ZCCHC7: variants seen among roughly 807,000 people sequenced by gnomAD.
ZCCHC7 encodes zinc finger CCHC domain-containing protein 7.
ZCCHC7 carries 35 observed loss-of-function variants against 52.0 expected under a neutral mutation model. The ratio of observed to expected loss-of-function variants is 0.67; its 90% CI spans 0.51 to 0.89. The LOEUF (loss-of-function observed/expected upper bound fraction) is 0.89, where lower values mean the gene tolerates loss of function less well. ZCCHC7 is among the 40% of genes least tolerant of loss of function. The pLI, the probability that ZCCHC7 is intolerant of heterozygous loss-of-function variation, is 0.00. For missense variants in ZCCHC7, 574 were observed against 649.1 expected (o/e 0.88, Z 1.26); for synonymous variants, 217 against 221.5 (o/e 0.98, Z 0.18).
At chr9:37,263,030 A>T (rs1355341681) in intron 2 of ZCCHC7, among the ~76,000 whole-genome samples, 1 of 152,316 alleles carries the variant, frequency 6.6e-6, no homozygotes, top group East Asian at 1.9e-4. Flanking sequence ...ATATTTTCTT[A>T]AAAATGAGCA....
intron 5 of ZCCHC7, among the ~76,000 whole-genome samples, chr9:37,315,582 A>T (rs1378925692): frequency 6.6e-6 from 1 of 151,976 alleles, no homozygotes; most frequent in African/African-American, 2.4e-5. Flanking sequence ...CCAGAAAAAT[A>T]TACATCCTAA....
At chr9:37,131,696 A>G (rs1186530188) in intron 2 of ZCCHC7, among the ~76,000 whole-genome samples, 2 of 152,202 alleles carry the variant, frequency 1.3e-5, no homozygotes, top group African/African-American at 2.4e-5. Context: ...GTTTTGCTCT[A>G]CTGACAGTTA....
At chr9:37,267,462 T>A (rs1014181480) in intron 2 of ZCCHC7, among the ~76,000 whole-genome samples, 2 of 152,090 alleles carry the variant, frequency 1.3e-5, no homozygotes, top group African/African-American at 4.8e-5. Context: ...TGAAGTGGCA[T>A]GATCACAGCT....
At chr9:37,253,500 G>A (rs1826430641) in intron 2 of ZCCHC7, among the ~76,000 whole-genome samples, 1 of 151,944 alleles carries the variant, frequency 6.6e-6, no homozygotes, top group Non-Finnish European at 1.5e-5. Context: ...ACATGATACA[G>A]ATGTGACTGA....
At chr9:37,234,657 A>G (rs1345140520) in intron 2 of ZCCHC7, among the ~76,000 whole-genome samples, 4 of 152,254 alleles carry the variant, frequency 2.6e-5, no homozygotes. Context: ...GTTAACTGTT[A>G]AAAGACCAAA....
chr9:37,309,367 C>G (rs1829487194), intron 5 of ZCCHC7, among the ~76,000 whole-genome samples: 2 of 152,194 alleles, frequency 1.3e-5, no homozygotes, highest in Admixed American at 1.3e-4. Flanking sequence ...AATTTGTTTC[C>G]TCTGCAGCCC....
chr9:37,339,587 G>T (rs1235201191), intron 6 of ZCCHC7, among the ~76,000 whole-genome samples: 2 of 152,162 alleles, frequency 1.3e-5, no homozygotes, highest in Non-Finnish European at 2.9e-5. Context: ...GATTGAAGAG[G>T]TGCCTAGGCA....
intron 2 of ZCCHC7, among the ~76,000 whole-genome samples, chr9:37,221,746 G>A (rs1162050386): frequency 6.6e-6 from 1 of 152,016 alleles, no homozygotes; most frequent in African/African-American, 2.4e-5. Context: ...TTAAATACAG[G>A]GAATGAATGG....
At chr9:37,183,086 C>T (rs1485613217) in intron 2 of ZCCHC7, among the ~76,000 whole-genome samples, 1 of 152,160 alleles carries the variant, frequency 6.6e-6, no homozygotes, top group Admixed American at 6.5e-5. Context: ...TCAATGTAAA[C>T]ATTTATGAAA....
At chr9:37,157,196 T>TG (rs1554703760) in intron 2 of ZCCHC7, among the ~76,000 whole-genome samples, 14 of 121,420 alleles carry the variant, frequency 1.2e-4, no homozygotes, top group Admixed American at 8.3e-4. Context: ...CAAACTTAGT[T>TG]GAAAAAAAAA....
chr9:37,228,289 CTTAA>C (rs1340433500), intron 2 of ZCCHC7, among the ~76,000 whole-genome samples: 2 of 152,028 alleles, frequency 1.3e-5, no homozygotes, highest in Non-Finnish European at 2.9e-5. Context: ...TGTTCTGTAC[CTTAA>C]TTGTGTAGAT....
intron 2 of ZCCHC7, among the ~76,000 whole-genome samples, chr9:37,213,058 T>C (rs1824324750): frequency 6.6e-6 from 1 of 152,172 alleles, no homozygotes; most frequent in African/African-American, 2.4e-5. Flanking sequence ...TTTTCTGTTT[T>C]TTAAAACCAT....
intron 2 of ZCCHC7, among the ~76,000 whole-genome samples, chr9:37,277,801 A>T (rs1827751756): frequency 6.6e-6 from 1 of 152,160 alleles, no homozygotes; most frequent in Non-Finnish European, 1.5e-5. Context: ...TTGATCCTTG[A>T]ACAAAACGTG....
chr9:37,163,116 A>T (rs933673917), intron 2 of ZCCHC7, among the ~76,000 whole-genome samples: 1 of 151,990 alleles, frequency 6.6e-6, no homozygotes, highest in East Asian at 1.9e-4. Context: ...CAGAAGAATC[A>T]CTTGAACCCG....
At chr9:37,328,268 G>T (rs1456567033) in intron 6 of ZCCHC7, among the ~76,000 whole-genome samples, 1 of 152,014 alleles carries the variant, frequency 6.6e-6, no homozygotes, top group East Asian at 1.9e-4. Flanking sequence ...AAAAAGCTTA[G>T]TGTATATTTC....
At chr9:37,346,911 G>A (rs961817631) in intron 6 of ZCCHC7, among the ~76,000 whole-genome samples, 3 of 152,078 alleles carry the variant, frequency 2.0e-5, no homozygotes, top group African/African-American at 4.8e-5. Context: ...TGGGAGGATC[G>A]CCTGAGCCTG....
chr9:37,184,960 G>A (rs147989335), intron 2 of ZCCHC7, among the ~76,000 whole-genome samples: 1 of 152,218 alleles, frequency 6.6e-6, no homozygotes, highest in East Asian at 1.9e-4. Flanking sequence ...TAGATTTCCT[G>A]TGGGTTTCTA....
At chr9:37,305,805 A>G in intron 5 of ZCCHC7, 91 bp downstream of exon 5, 1 of 1,367,720 alleles carries the variant, frequency 7.3e-7, no homozygotes, top group Non-Finnish European at 1.0e-6. Context: ...ATCAGTCAGC[A>G]TACCTAAAGG....
intron 5 of ZCCHC7, among the ~76,000 whole-genome samples, chr9:37,315,879 A>C (rs977033173): frequency 1.4e-5 from 2 of 146,312 alleles, no homozygotes; most frequent in Non-Finnish European, 3.0e-5. Context: ...AAGCATCCCT[A>C]AACCAGGGAA....
Sources: gnomAD v4.1 joint callset for allele counts (sites outside exome capture counted in the v4.1 genomes callset) on GRCh38, gnomAD v4.1.1 for gene constraint, MANE v1.5 for transcripts, NCBI Gene and HGNC (gene_info 2026-07-23, HGNC 2026-07-21) for gene names.